Variants in IL15 observed in about 807,000 individuals in gnomAD.
IL15 encodes interleukin-15.
In IL15, 11 loss-of-function variants were observed where a neutral mutation model predicts 19.6. The observed-to-expected ratio is 0.56, with a 90% CI of 0.35 to 0.93. The LOEUF (loss-of-function observed/expected upper bound fraction) is 0.93. Among genes scored for constraint, IL15 ranks in the 40% least tolerant of loss-of-function variants. The pLI is 0.01. For synonymous variants in IL15, 58 were observed against 59.6 expected (o/e 0.97, Z 0.12); for missense variants, 197 against 186.5 (o/e 1.06, Z -0.33).
intron 7 of IL15, among the ~76,000 whole-genome samples, chr4:141,731,979 C>T (rs1730467257): frequency 6.6e-6 from 1 of 152,144 alleles, no homozygotes; most frequent in Non-Finnish European, 1.5e-5. Flanking sequence ...TGGGTGATTA[C>T]AGTGTGTCAG....
chr4:141,659,510 T>A (rs563958575), intron 2 of IL15, among the ~76,000 whole-genome samples: 1 of 152,198 alleles, frequency 6.6e-6, no homozygotes, highest in African/African-American at 2.4e-5. Flanking sequence ...CAGTGTCTTA[T>A]TGATACACAC....
chr4:141,727,958 A>T lies in IL15; in HGVS notation c.214A>T (p.Thr72Ser). Residue 72 changes from threonine to serine, a missense_variant, in exon 6 of 8, where the codon ACT becomes TCT. Coordinates refer to ENST00000320650, the MANE Select transcript of IL15 (RefSeq NM_000585.5). ...CTTTCAGTCTATGCATATTGATGCT[A>T]CTTTATATACGGAAAGTGATGTTCA... ...DLIQSMHIDA[T>S]LYTESDVHPS... The T allele has an allele frequency of 1.5e-6, 2 of 1,347,644 alleles. No individual in the cohort carries two copies. The highest frequency in any genetic ancestry group is 2.1e-6 in the Non-Finnish European group (2 of 957,248). The allele number at this position is 1,347,644 out of a possible 1,614,324, so 83.5% of individuals were successfully genotyped here. A position where few individuals can be genotyped will look rare whatever the true frequency, so the allele number is the denominator to read the frequency against.
intron 2 of IL15, among the ~76,000 whole-genome samples, chr4:141,698,352 A>G (rs899258418): frequency 5.9e-5 from 9 of 152,066 alleles, no homozygotes; most frequent in Non-Finnish European, 1.3e-4. Context: ...CTGGCGTTAT[A>G]GAATGATTTA....
chr4:141,723,220 A>C (rs1730147819), intron 5 of IL15, among the ~76,000 whole-genome samples: 1 of 152,212 alleles, frequency 6.6e-6, no homozygotes, highest in African/African-American at 2.4e-5. Flanking sequence ...TGTCCCCCCA[A>C]ATTTCACATC....
In IL15 at chr4:141,733,034, GTGA is replaced by G; in HGVS notation, c.*187_*189del. 2.6e-6 allele frequency: 2 copies of G among 779,266 alleles called. No individual in the cohort carries two copies. The highest frequency in any genetic ancestry group is 6.1e-5 in the South Asian group (2 of 32,930). 48.3% of individuals were successfully genotyped at this position (779,266 alleles called of 1,614,324 possible). A position where few individuals can be genotyped will look rare whatever the true frequency, so the allele number is the denominator to read the frequency against. ...CAGAAAAATGTCATTGAGTAATATA[GTGA>G]CTATGAACTTCTCTCAGACTTACTT... On this transcript the variant is annotated 3_prime_UTR_variant, in exon 8 of 8. Coordinates refer to ENST00000320650, the MANE Select transcript of IL15 (RefSeq NM_000585.5).
intron 2 of IL15, among the ~76,000 whole-genome samples, chr4:141,677,769 A>G (rs982518757): frequency 6.6e-6 from 1 of 152,200 alleles, no homozygotes; most frequent in South Asian, 2.1e-4. Context: ...AAGGGCTTGT[A>G]TGATTAGATT....
intron 2 of IL15, among the ~76,000 whole-genome samples, chr4:141,677,302 C>T (rs1579010743): frequency 6.6e-6 from 1 of 152,194 alleles, no homozygotes; most frequent in East Asian, 1.9e-4. Context: ...TATGATGATC[C>T]ACTTCCACTT....
intron 2 of IL15, among the ~76,000 whole-genome samples, chr4:141,700,005 A>G (rs1383470011): frequency 6.6e-6 from 1 of 151,512 alleles, no homozygotes; most frequent in Non-Finnish European, 1.5e-5. Flanking sequence ...TGCAATCCCC[A>G]TCTCCCGGGT....
At chr4:141,725,253 A>G (rs745973445) in intron 5 of IL15, among the ~76,000 whole-genome samples, 1 of 152,124 alleles carries the variant, frequency 6.6e-6, no homozygotes. Flanking sequence ...GTCCCTCCCT[A>G]TGCCTCCTGG....
At chr4:141,730,831 C>G (rs1730427691) in intron 7 of IL15, among the ~76,000 whole-genome samples, 1 of 152,088 alleles carries the variant, frequency 6.6e-6, no homozygotes, top group African/African-American at 2.4e-5. Context: ...TAGTTCATTT[C>G]ATAAATACTT....
chr4:141,644,843 T>C (rs956883392), intron 1 of IL15, among the ~76,000 whole-genome samples: 14 of 152,106 alleles, frequency 9.2e-5, no homozygotes, highest in African/African-American at 3.4e-4. Context: ...CCATAGCAAG[T>C]CTAAATAGAG....
At chr4:141,683,571 T>TA (rs566487149) in intron 2 of IL15, among the ~76,000 whole-genome samples, 1,239 of 120,822 alleles carry the variant, frequency 0.01, 51 homozygotes, top group Admixed American at 0.081. Context: ...ATTCCGTCTC[T>TA]AAAAAAAAAA....
chr4:141,732,621 G>A lies in IL15; in HGVS notation c.379-117G>A, dbSNP rs1015551096. ...CCTAATATGCTATTTATTTGCTAAA[G>A]CTTTCATATCTCAAGACCTCACCAT... is the stretch of plus-strand genomic sequence containing the variant. On this transcript the variant is annotated intron_variant, in intron 7 of 7. Transcript: ENST00000320650. The A allele has an allele frequency of 7.5e-6, 10 of 1,336,264 alleles. No individual in the cohort carries two copies. The African/African-American group carries it at 1.5e-4, about 20-fold the overall frequency. The allele number at this position is 1,336,264 out of a possible 1,614,324, so 82.8% of individuals were successfully genotyped here. A position where few individuals can be genotyped will look rare whatever the true frequency, so the allele number is the denominator to read the frequency against.
intron 6 of IL15, 78 bp from the exon 7 acceptor site, chr4:141,729,769 T>C: frequency 1.2e-6 from 1 of 807,712 alleles, no homozygotes; most frequent in South Asian, 1.7e-5. Flanking sequence ...GGATTGACTT[T>C]TTGAAAATCA....
At chr4:141,692,632 T>G (rs1248673069) in intron 2 of IL15, among the ~76,000 whole-genome samples, 1 of 152,086 alleles carries the variant, frequency 6.6e-6, no homozygotes, top group Admixed American at 6.6e-5. Context: ...GCACAGATCT[T>G]TAGGTCCGGG....
chr4:141,646,275 T>A (rs1664103209), intron 1 of IL15, among the ~76,000 whole-genome samples: 1 of 152,022 alleles, frequency 6.6e-6, no homozygotes, highest in Non-Finnish European at 1.5e-5. Flanking sequence ...GGATATTAAG[T>A]CTCTTAAGTG....
At chr4:141,722,085 C>T (rs979237941) in intron 5 of IL15, 77 bp downstream of exon 5, 12 of 1,407,616 alleles carry the variant, frequency 8.5e-6, no homozygotes, top group South Asian at 1.9e-5. Context: ...TTCTGTCTGT[C>T]TTAAGGAAAC....
chr4:141,721,105 A>G, intron 4 of IL15: 1 of 1,512,312 alleles, frequency 6.6e-7, no homozygotes, highest in Non-Finnish European at 9.0e-7. Flanking sequence ...ACCTATAGTT[A>G]TATAATCTGA....
chr4:141,730,695 A>G (rs1450529708), intron 7 of IL15, among the ~76,000 whole-genome samples: 1 of 152,200 alleles, frequency 6.6e-6, no homozygotes, highest in Non-Finnish European at 1.5e-5. Flanking sequence ...TACTCGTATG[A>G]TAGGCTGGGG....
Sources: allele counts gnomAD v4.1 joint callset (sites outside exome capture counted in the v4.1 genomes callset), GRCh38; gene constraint gnomAD v4.1.1; transcripts MANE v1.5; gene names NCBI Gene and HGNC (gene_info 2026-07-23, HGNC 2026-07-21).